The following OCA2 variants were observed in gnomAD, a reference collection of about 807,000 sequenced individuals.
OCA2 encodes P protein.
A neutral mutation model predicts 100.2 loss-of-function variants in OCA2; 77 were observed. The ratio of observed to expected loss-of-function variants is 0.77; its 90% CI spans 0.64 to 0.93. The LOEUF (loss-of-function observed/expected upper bound fraction) is 0.93. Ranked by LOEUF, OCA2 falls within the 40% of genes least tolerant of loss-of-function variation. The probability of loss-of-function intolerance (pLI) is 0.00; values close to 1 mark genes in which losing one functional copy is unlikely to be tolerated. For synonymous variants in OCA2, 432 were observed against 439.2 expected (o/e 0.98, Z 0.21); for missense variants, 1,062 against 1,089.1 (o/e 0.98, Z 0.35).
chr15:27,880,514 G>T (rs2036970702), intron 19 of OCA2, among the ~76,000 whole-genome samples: 1 of 151,938 alleles, frequency 6.6e-6, no homozygotes, highest in East Asian at 1.9e-4. Flanking sequence ...CCATTTCTTT[G>T]TGTCCTCTTT....
intron 23 of OCA2, among the ~76,000 whole-genome samples, chr15:27,769,941 C>T (rs1398461917): frequency 6.7e-6 from 1 of 150,006 alleles, no homozygotes; most frequent in Non-Finnish European, 1.5e-5. Flanking sequence ...CAGGACCAGG[C>T]TCATCCTCAG....
chr15:27,877,938 T>G (rs1181579950), intron 19 of OCA2, among the ~76,000 whole-genome samples: 1 of 151,442 alleles, frequency 6.6e-6, no homozygotes. Flanking sequence ...TTCCTTTGGG[T>G]TACTTGAATA....
At chr15:27,910,026 G>A (rs1031914456) in intron 19 of OCA2, among the ~76,000 whole-genome samples, 23 of 151,850 alleles carry the variant, frequency 1.5e-4, no homozygotes, top group Admixed American at 2.6e-4. Flanking sequence ...AAACAAAGAC[G>A]CAATCGAAAA....
At chr15:27,730,732 A>AATATATTTTTAT in the OCA2 span, among the ~76,000 whole-genome samples, 20 of 102,010 alleles carry the variant, frequency 2.0e-4, no homozygotes, top group African/African-American at 6.3e-4. Flanking sequence ...AAAAAGACCA[A>AATATATTTTTAT]ATATATATAT....
intron 19 of OCA2, among the ~76,000 whole-genome samples, chr15:27,885,753 T>G (rs1434268608): frequency 9.3e-6 from 1 of 107,800 alleles, no homozygotes; most frequent in African/African-American, 5.3e-5. Context: ...ACTCCTTTAT[T>G]TGTTTGATGT....
chr15:27,951,725 T>C, intron 18 of OCA2, 59 bp downstream of exon 18: 1 of 1,260,238 alleles, frequency 7.9e-7, no homozygotes, highest in Non-Finnish European at 1.2e-6. Flanking sequence ...GAACAGGCTC[T>C]GAAACCTTCC....
chr15:28,028,000 T>C lies in OCA2; in HGVS notation c.386A>G (p.Asp129Gly), dbSNP rs765510809. The C allele has an allele frequency of 8.7e-6, 14 of 1,614,208 alleles. No individual in the cohort carries two copies. Among genetic ancestry groups the C allele is most frequent in the Non-Finnish European group, 1.2e-5 (14 of 1,180,026 alleles). Residue 129 changes from aspartate (D) to glycine (G), a missense_variant, in exon 4 of 24, where the codon GAC becomes GGC. Transcript: ENST00000354638. ...EFITAEESWE[D>G]SSADWERRYL... ...TCTTCGCTCCCAGTCAGCAGAGCTG[T>C]CTTCCCAAGACTCTTCAGCAGTGAT...
At chr15:27,852,104 G>C (rs144805958) in intron 21 of OCA2, among the ~76,000 whole-genome samples, 1 of 152,182 alleles carries the variant, frequency 6.6e-6, no homozygotes, top group Non-Finnish European at 1.5e-5. Context: ...CTAGTCAGCC[G>C]TGCCAGCCTC....
chr15:27,861,314 A>T (rs2036122435), intron 21 of OCA2, among the ~76,000 whole-genome samples: 1 of 152,184 alleles, frequency 6.6e-6, no homozygotes, highest in Admixed American at 6.5e-5. Flanking sequence ...TCAGTTCGGG[A>T]CACGTTAAGT....
At position 27,987,650 on chromosome 15, in the gene OCA2, A is replaced by G. The variant is rs529180944; in HGVS notation, c.1183-1007T>C. On this transcript the variant is annotated intron_variant, in intron 11 of 23. Coordinates refer to ENST00000354638, the MANE Select transcript of OCA2 (RefSeq NM_000275.3). ...AGGCTGAGGCAGGAGAATGGCATGA[A>G]CCCAGGACGGGGAGCTTGCAGTGAG... 3.2e-3 allele frequency among the ~76,000 whole-genome samples: 492 copies of G among 151,782 alleles called. 6 individuals carry two copies. Among genetic ancestry groups the G allele is most frequent in the African/African-American group, 0.011 (468 of 41,406 alleles).
chr15:27,897,506 C>T (rs952070706), intron 19 of OCA2, among the ~76,000 whole-genome samples: 5 of 152,212 alleles, frequency 3.3e-5, no homozygotes, highest in East Asian at 3.9e-4. Flanking sequence ...GCAGCTTTCA[C>T]GTGCTGTTGA....
intron 14 of OCA2, among the ~76,000 whole-genome samples, chr15:27,968,312 G>A (rs1424264096): frequency 2.0e-5 from 3 of 152,090 alleles, no homozygotes; most frequent in Non-Finnish European, 4.4e-5. Context: ...CCACAAAGGG[G>A]GTCAGAGGCA....
In OCA2 at chr15:28,024,900, C is replaced by T. The variant is rs368907318; in HGVS notation, c.518G>A (p.Arg173His). 2.0e-5 allele frequency: 32 copies of T among 1,614,052 alleles called. No individual in the cohort carries two copies. In the South Asian group the frequency reaches 2.7e-4, roughly 14 times the overall value. ...HIRLRLSKLR[R>H]CVQWLKVMGL... ...CATGACTTTCAGCCACTGCACACAGCGCCTGCAAGAGAAAAAGTAGGGCCT... is the reference window on the plus strand; with the variant it reads ...CATGACTTTCAGCCACTGCACACAGTGCCTGCAAGAGAAAAAGTAGGGCCT... Residue 173 changes from arginine to histidine, a missense_variant and splice_region_variant, in exon 5 of 24, where the codon CGC becomes CAC. Arg to His is a conservative substitution (Grantham distance 29). Transcript: ENST00000354638.
rs2141011785 is a variant in OCA2 at position 27,989,589 on chromosome 15, A to G, written c.1182+12T>C. 6.2e-7 allele frequency: 1 copy of G among 1,612,604 alleles called. No homozygotes were observed. Among genetic ancestry groups the G allele is most frequent in the Non-Finnish European group, 8.5e-7 (1 of 1,178,700 alleles). On this transcript the variant is annotated intron_variant, in intron 11 of 23. Transcript: ENST00000354638. ...GCGTGGAGCCCAGTCCCACGGGGAG[A>G]GCTGTAATTACCATGCCAAACAGCA...
chr15:27,898,386 TTCTCGTGATA>T (rs888770112), intron 19 of OCA2, among the ~76,000 whole-genome samples: 6 of 152,206 alleles, frequency 3.9e-5, no homozygotes, highest in African/African-American at 1.4e-4. Context: ...TCCTGCACTG[TTCTCGTGATA>T]GTGAATGAAT....
chr15:27,804,978 C>A (rs1354858982), intron 23 of OCA2, among the ~76,000 whole-genome samples: 1 of 152,212 alleles, frequency 6.6e-6, no homozygotes, highest in African/African-American at 2.4e-5. Context: ...TGCACTCTAG[C>A]GAGACACACA....
chr15:27,865,911 G>A (rs1463375214), intron 21 of OCA2, among the ~76,000 whole-genome samples: 1 of 152,174 alleles, frequency 6.6e-6, no homozygotes, highest in East Asian at 1.9e-4. Flanking sequence ...GCTGTGCAGT[G>A]TAAAGGTCCT....
intron 2 of OCA2, among the ~76,000 whole-genome samples, chr15:28,042,500 C>T (rs976195012): frequency 1.3e-5 from 2 of 148,754 alleles, no homozygotes; most frequent in Non-Finnish European, 3.0e-5. Context: ...ATTAGCTGGG[C>T]GTGGTGATAC....
intron 3 of OCA2, 97 bp downstream of exon 3, chr15:28,031,968 A>G (rs2042917588): frequency 1.2e-6 from 1 of 868,156 alleles, no homozygotes; most frequent in Non-Finnish European, 2.0e-6. Context: ...GAGGTTAAAC[A>G]TGTCCAATAA....
Sources: gnomAD v4.1 joint callset for allele counts (sites outside exome capture counted in the v4.1 genomes callset) on GRCh38, gnomAD v4.1.1 for gene constraint, MANE v1.5 for transcripts, NCBI Gene and HGNC (gene_info 2026-07-23, HGNC 2026-07-21) for gene names.